The following PIGL variants were observed in gnomAD, a reference collection of about 807,000 sequenced individuals.
PIGL encodes phosphatidylinositol glycan anchor biosynthesis class L.
PIGL carries 22 observed loss-of-function variants against 31.1 expected under a neutral mutation model. The observed-to-expected ratio is 0.71, with a 90% CI of 0.51 to 1.01. The LOEUF (loss-of-function observed/expected upper bound fraction) is 1.01, where lower values mean the gene tolerates loss of function less well. PIGL is among the 50% of genes least tolerant of loss of function. The pLI, the probability that PIGL is intolerant of heterozygous loss-of-function variation, is 0.00. For synonymous variants in PIGL, 131 were observed against 117.4 expected, an observed-to-expected ratio of 1.12 and a Z score of -0.75; for missense variants, 302 against 315.9, an observed-to-expected ratio of 0.96 and a Z score of 0.33.
At chr17:16,320,542 GAAGGAAGGAAGA>G (rs1321578661) in intron 6 of PIGL, among the ~76,000 whole-genome samples, 3 of 151,090 alleles carry the variant, frequency 2.0e-5, no homozygotes, top group South Asian at 2.1e-4. Flanking sequence ...AAGAAGGAAG[GAAGGAAGGAAGA>G]AAGGAAGGAA....
At chr17:16,285,621 G>T (rs1220650065) in intron 2 of PIGL, among the ~76,000 whole-genome samples, 5 of 152,092 alleles carry the variant, frequency 3.3e-5, no homozygotes, top group Admixed American at 3.3e-4. Flanking sequence ...CAAGCCGTAT[G>T]TGGAAAAGGC....
At chr17:16,323,378 C>A (rs191329972) in intron 6 of PIGL, among the ~76,000 whole-genome samples, 186 of 152,098 alleles carry the variant, frequency 1.2e-3, no homozygotes, top group African/African-American at 4.0e-3. Flanking sequence ...GGATTACAGG[C>A]AGGTGCCACC....
intron 2 of PIGL, among the ~76,000 whole-genome samples, chr17:16,284,362 A>G (rs547975969): frequency 6.6e-6 from 1 of 152,332 alleles, no homozygotes; most frequent in African/African-American, 2.4e-5. Context: ...GATGTGAGCC[A>G]CCGCACCCAG....
intron 2 of PIGL, among the ~76,000 whole-genome samples, chr17:16,291,301 GT>G (rs929952577): frequency 2.8e-4 from 42 of 152,032 alleles, no homozygotes; most frequent in African/African-American, 9.2e-4. Context: ...GAGGTCGGGA[GT>G]TTGAGAACAG....
chr17:16,290,024 C>T (rs1273172240), intron 2 of PIGL, among the ~76,000 whole-genome samples: 2 of 152,116 alleles, frequency 1.3e-5, no homozygotes, highest in African/African-American at 4.8e-5. Context: ...GATCCGCCCA[C>T]CTTGGCCTCC....
chr17:16,288,546 C>CTT (rs11435438), intron 2 of PIGL, among the ~76,000 whole-genome samples: 11 of 147,872 alleles, frequency 7.4e-5, no homozygotes, highest in Middle Eastern at 3.5e-3. Flanking sequence ...TTTTCTTTTT[C>CTT]TTTTTTTTTG....
At chr17:16,308,354 C>G (rs1275784849) in intron 3 of PIGL, among the ~76,000 whole-genome samples, 2 of 150,926 alleles carry the variant, frequency 1.3e-5, no homozygotes, top group Non-Finnish European at 2.9e-5. Flanking sequence ...AATTACAAAG[C>G]TGCCATCCTT....
chr17:16,298,717 T>A (rs147845535), intron 2 of PIGL, among the ~76,000 whole-genome samples: 1 of 152,306 alleles, frequency 6.6e-6, no homozygotes, highest in East Asian at 1.9e-4. Context: ...AACAAGCTAC[T>A]TAACTTCATC....
At chr17:16,281,602 G>A (rs2092916813) in intron 2 of PIGL, among the ~76,000 whole-genome samples, 1 of 152,190 alleles carries the variant, frequency 6.6e-6, no homozygotes, top group African/African-American at 2.4e-5. Flanking sequence ...GAAGTGATTT[G>A]GATCTCTCTT....
At chr17:16,218,929 T>A (rs1666982762) in intron 1 of PIGL, among the ~76,000 whole-genome samples, 1 of 152,132 alleles carries the variant, frequency 6.6e-6, no homozygotes. Context: ...TCCACCTGCC[T>A]TGGCCTCCCA....
In PIGL at chr17:16,217,624, G is replaced by A. The variant is rs909840259; in HGVS notation, c.235+163G>A. 2.7e-5 allele frequency: 15 copies of A among 555,972 alleles called. 1 individual carries two copies. Among genetic ancestry groups the A allele is most frequent in the Middle Eastern group, 9.5e-4 (2 of 2,104 alleles). The allele number at this position is 555,972 out of a possible 1,614,324, so 34.4% of individuals were successfully genotyped here. A position where few individuals can be genotyped will look rare whatever the true frequency, so the allele number is the denominator to read the frequency against. On this transcript the variant is annotated intron_variant, in intron 1 of 6. Transcript: ENST00000225609. ...TCACAGCCTAGGGACAGGAGCGGCCGGCTTACCTGGTGGGTTGGGGGACGT... is the reference window on the plus strand; with the variant it reads ...TCACAGCCTAGGGACAGGAGCGGCCAGCTTACCTGGTGGGTTGGGGGACGT...
chr17:16,266,922 G>A (rs1270788245), intron 2 of PIGL, among the ~76,000 whole-genome samples: 2 of 139,420 alleles, frequency 1.4e-5, no homozygotes, highest in Non-Finnish European at 3.0e-5. Context: ...GGGGGGGGTT[G>A]TCGTGGAAAT....
chr17:16,240,235 A>T (rs1052775419), intron 2 of PIGL, among the ~76,000 whole-genome samples: 2 of 151,998 alleles, frequency 1.3e-5, no homozygotes, highest in African/African-American at 2.4e-5. Context: ...TTCTGCCATG[A>T]TTGGAAGCTT....
chr17:16,228,924 A>C (rs1016099823), intron 1 of PIGL, among the ~76,000 whole-genome samples: 1 of 152,160 alleles, frequency 6.6e-6, no homozygotes, highest in Non-Finnish European at 1.5e-5. Flanking sequence ...TGCCTGGCTT[A>C]TGCTAATTAG....
chr17:16,284,718 C>T (rs1241202985), intron 2 of PIGL, among the ~76,000 whole-genome samples: 2 of 152,184 alleles, frequency 1.3e-5, no homozygotes, highest in Non-Finnish European at 2.9e-5. Context: ...AACCAATCAG[C>T]ACTCCTCACT....
At chr17:16,258,096 AG>A (rs1327601235) in intron 2 of PIGL, among the ~76,000 whole-genome samples, 19 of 130,300 alleles carry the variant, frequency 1.5e-4, no homozygotes, top group South Asian at 2.5e-4. Flanking sequence ...AGAGAGAGAG[AG>A]AGAGAAAGAG....
chr17:16,309,853 C>T (rs1175038556), intron 3 of PIGL, among the ~76,000 whole-genome samples: 1 of 151,910 alleles, frequency 6.6e-6, no homozygotes, highest in East Asian at 1.9e-4. Flanking sequence ...CCAAGGCAAG[C>T]GGATAACTTT....
intron 6 of PIGL, chr17:16,324,304 G>A (rs1463613989): frequency 6.6e-6 from 1 of 151,278 alleles, no homozygotes; most frequent in Non-Finnish European, 1.5e-5. Context: ...CTTTTGTAAT[G>A]GTTTTCCCTT....
intron 2 of PIGL, among the ~76,000 whole-genome samples, chr17:16,252,143 G>A (rs1024301569): frequency 1.3e-5 from 2 of 149,390 alleles, no homozygotes; most frequent in South Asian, 2.1e-4. Flanking sequence ...GTGCAATCTC[G>A]GCTCACTGCG....
Sources: gnomAD v4.1 joint callset for allele counts (sites outside exome capture counted in the v4.1 genomes callset) on GRCh38, gnomAD v4.1.1 for gene constraint, MANE v1.5 for transcripts, NCBI Gene and HGNC (gene_info 2026-07-23, HGNC 2026-07-21) for gene names.